ACSS3: variants seen among roughly 807,000 people sequenced by gnomAD.
ACSS3 encodes acyl-CoA synthetase short-chain family member 3, mitochondrial.
Under a neutral mutation model 84.2 loss-of-function variants are expected in ACSS3, and 64 were observed. The ratio of observed to expected loss-of-function variants is 0.76; its 90% CI spans 0.62 to 0.94. The LOEUF (loss-of-function observed/expected upper bound fraction) is 0.94, where lower values mean the gene tolerates loss of function less well. ACSS3 is among the 40% of genes least tolerant of loss of function. ACSS3 has a pLI of 0.00. For synonymous variants in ACSS3, 317 were observed against 310.1 expected (o/e 1.02, Z -0.23); for missense variants, 815 against 867.6 (o/e 0.94, Z 0.76).
chr12:81,082,012 G>T (rs2121265455), intron 1 of ACSS3, among the ~76,000 whole-genome samples: 1 of 152,332 alleles, frequency 6.6e-6, no homozygotes. Flanking sequence ...GAAAGAGATA[G>T]TGAAGGAACT....
intron 15 of ACSS3, 96 bp downstream of exon 15, chr12:81,253,766 A>G (rs1176577842): frequency 8.0e-7 from 1 of 1,255,748 alleles, no homozygotes; most frequent in African/African-American, 1.5e-5. Flanking sequence ...TCAAATGTGA[A>G]TTGCATCTCT....
At chr12:81,178,801 C>T (rs1253576473) in intron 8 of ACSS3, among the ~76,000 whole-genome samples, 1 of 152,028 alleles carries the variant, frequency 6.6e-6, no homozygotes, top group Non-Finnish European at 1.5e-5. Flanking sequence ...AACTATTCTA[C>T]AATTCATATG....
At chr12:81,188,067 T>C (rs941931230) in intron 8 of ACSS3, among the ~76,000 whole-genome samples, 1 of 151,944 alleles carries the variant, frequency 6.6e-6, no homozygotes, top group African/African-American at 2.4e-5. Flanking sequence ...AAACTTATAC[T>C]TTTTTATTTA....
chr12:81,118,175 CT>C (rs1293029282), intron 2 of ACSS3: 3 of 152,130 alleles, frequency 2.0e-5, no homozygotes, highest in African/African-American at 7.2e-5. Context: ...CTATCCCCCC[CT>C]CCACTCAAAT....
intron 9 of ACSS3, among the ~76,000 whole-genome samples, chr12:81,215,869 G>T (rs2032894107): frequency 6.6e-6 from 1 of 152,128 alleles, no homozygotes; most frequent in Non-Finnish European, 1.5e-5. Context: ...TATTCTGGCT[G>T]TTACAACTTG....
intron 7 of ACSS3, among the ~76,000 whole-genome samples, chr12:81,174,060 A>G (rs1395743269): frequency 1.3e-5 from 2 of 152,182 alleles, no homozygotes; most frequent in Middle Eastern, 3.2e-3. Context: ...GGCTTGGCCA[A>G]GATAGGTTTT....
At chr12:81,149,808 A>C (rs1274819127) in intron 5 of ACSS3, among the ~76,000 whole-genome samples, 1 of 152,178 alleles carries the variant, frequency 6.6e-6, no homozygotes, top group Non-Finnish European at 1.5e-5. Flanking sequence ...ATAGGAGCAC[A>C]GGGTAAAATA....
At chr12:81,208,402 A>T (rs772885766) in intron 9 of ACSS3, among the ~76,000 whole-genome samples, 9 of 152,070 alleles carry the variant, frequency 5.9e-5, no homozygotes, top group Non-Finnish European at 1.3e-4. Flanking sequence ...CCTCATTCAC[A>T]TCTAGTTTCC....
chr12:81,207,385 G>A (rs1217128230), intron 9 of ACSS3, among the ~76,000 whole-genome samples: 1 of 152,098 alleles, frequency 6.6e-6, no homozygotes, highest in Admixed American at 6.6e-5. Flanking sequence ...AATGTGGGTA[G>A]CAAGAAGTGA....
chr12:81,157,081 T>C (rs1012765353), intron 7 of ACSS3, among the ~76,000 whole-genome samples: 2 of 152,106 alleles, frequency 1.3e-5, no homozygotes, highest in African/African-American at 2.4e-5. Flanking sequence ...AACATATAGA[T>C]ACAAGAATTC....
At chr12:81,169,497 G>A (rs538131246) in intron 7 of ACSS3, among the ~76,000 whole-genome samples, 6 of 152,134 alleles carry the variant, frequency 3.9e-5, no homozygotes, top group South Asian at 2.1e-4. Flanking sequence ...TAAAACTTAC[G>A]AAAGGGAAAA....
In ACSS3 at chr12:81,255,795, CAAAACAACA is replaced by C. The variant is rs1467286744; in HGVS notation, c.*887_*895del. 6.6e-6 allele frequency: 1 copy of C among 152,274 alleles called. No homozygotes were observed. The highest frequency in any genetic ancestry group is 1.9e-4 in the East Asian group (1 of 5,174). 9.4% of individuals were successfully genotyped at this position (152,274 alleles called of 1,614,324 possible). On this transcript the variant is annotated 3_prime_UTR_variant, in exon 16 of 16. Transcript: ENST00000548058. ...TGGGTGACAGAGTAAGACTCCATCT[CAAAACAACA>C]AAAACAACAAAAAAACCACATGCCT...
chr12:81,206,840 A>T (rs1193355417), intron 9 of ACSS3, among the ~76,000 whole-genome samples: 1 of 152,196 alleles, frequency 6.6e-6, no homozygotes. Flanking sequence ...AAAGTGAATA[A>T]CTGTTTACAA....
chr12:81,139,285 T>G lies in ACSS3; in HGVS notation c.780+20T>G. Reference sequence around the variant, plus strand: ...AATATGGTAATCTGAATATTGAATTTGGTTCTTGCTTATGGTAATATGCTA... The same window carrying G: ...AATATGGTAATCTGAATATTGAATTGGGTTCTTGCTTATGGTAATATGCTA... On this transcript the variant is annotated intron_variant, in intron 4 of 15. Coordinates refer to ENST00000548058, the MANE Select transcript of ACSS3 (RefSeq NM_024560.4). 1.9e-6 allele frequency: 3 copies of G among 1,612,574 alleles called. No homozygotes were observed. Among genetic ancestry groups the G allele is most frequent in the Non-Finnish European group, 1.7e-6 (2 of 1,178,940 alleles).
intron 1 of ACSS3, among the ~76,000 whole-genome samples, chr12:81,095,502 T>C (rs190208949): frequency 1.9e-4 from 29 of 152,316 alleles, no homozygotes; most frequent in Admixed American, 1.5e-3. Context: ...TTCCTGCATT[T>C]TCCTCTAGAA....
chr12:81,214,173 G>A (rs1021490896), intron 9 of ACSS3, among the ~76,000 whole-genome samples: 14 of 151,362 alleles, frequency 9.2e-5, no homozygotes, highest in African/African-American at 3.4e-4. Flanking sequence ...TTGCAGGTGG[G>A]TACCACCACG....
intron 13 of ACSS3, among the ~76,000 whole-genome samples, chr12:81,237,377 C>G (rs1481456337): frequency 6.6e-6 from 1 of 151,472 alleles, no homozygotes; most frequent in African/African-American, 2.4e-5. Context: ...GAGGCTAGGG[C>G]TTTTATAGGA....
rs528179239 is a variant in ACSS3 at position 81,079,032 on chromosome 12, C to T, written c.311+601C>T. 1.4e-4 allele frequency among the ~76,000 whole-genome samples: 21 copies of T among 152,026 alleles called. No homozygotes were observed. The South Asian group carries it at 3.7e-3, about 27-fold the overall frequency. On this transcript the variant is annotated intron_variant, in intron 1 of 15. Transcript: ENST00000548058. ...GAAGTGGTGAGTCAGGGGCTGGGTC[C>T]GGAAGGGATTTATGTACTGTGCTAA... is the stretch of plus-strand genomic sequence containing the variant.
At chr12:81,245,885 C>G (rs534882459) in intron 13 of ACSS3, among the ~76,000 whole-genome samples, 46 of 152,186 alleles carry the variant, frequency 3.0e-4, no homozygotes, top group Non-Finnish European at 5.1e-4. Context: ...AACCAGAGGT[C>G]CCTTTTCCCT....
Sources: allele counts gnomAD v4.1 joint callset (sites outside exome capture counted in the v4.1 genomes callset), GRCh38; gene constraint gnomAD v4.1.1; transcripts MANE v1.5; gene names NCBI Gene and HGNC (gene_info 2026-07-23, HGNC 2026-07-21).